The following PBX1 variants were observed in gnomAD, a reference collection of about 807,000 sequenced individuals.
PBX1 encodes pre-B-cell leukemia transcription factor 1.
PBX1 carries 6 observed loss-of-function variants against 53.4 expected under a neutral mutation model. That is an observed-to-expected ratio of 0.11 (90% confidence interval 0.06 to 0.22). The LOEUF is 0.22. PBX1 is among the 10% of genes least tolerant of loss of function. PBX1 has a pLI of 1.00. For synonymous variants in PBX1, 204 were observed against 212.3 expected (o/e 0.96, Z 0.34); for missense variants, 251 against 551.4 (o/e 0.46, Z 5.46).
At chr1:164,878,922 A>G (rs1351053211) in intron 2 of PBX1, among the ~76,000 whole-genome samples, 1 of 152,254 alleles carries the variant, frequency 6.6e-6, no homozygotes, top group Non-Finnish European at 1.5e-5. Context: ...CAGCCGGAGC[A>G]TAATCTGCCT....
At chr1:164,814,880 T>G (rs1279207152) in intron 6 of PBX1, 2 of 152,244 alleles carry the variant, frequency 1.3e-5, no homozygotes, top group Non-Finnish European at 2.9e-5. Flanking sequence ...ATATGTTCCA[T>G]GTCTCCTATC....
Position 164,849,118 on chromosome 1 carries a change from A to C in PBX1, c.*2442A>C, listed in dbSNP as rs528307386. 1.6e-4 allele frequency: 225 copies of C among 1,370,676 alleles called. No homozygotes were observed. The highest frequency in any genetic ancestry group is 1.9e-4 in the Non-Finnish European group (202 of 1,060,910). The allele number at this position is 1,370,676 out of a possible 1,614,324, so 84.9% of individuals were successfully genotyped here. The stretch of plus-strand genomic sequence containing the variant: ...AACATGGTTGAATCACATTTGCTTG[A>C]CTTAGGGCAAAGTACGAAAGAGAGA... On this transcript the variant is annotated 3_prime_UTR_variant, in exon 9 of 9. Coordinates refer to ENST00000420696, the MANE Select transcript of PBX1 (RefSeq NM_002585.4).
chr1:164,680,962 T>C (rs1355506684), intron 2 of PBX1, among the ~76,000 whole-genome samples: 4 of 152,200 alleles, frequency 2.6e-5, no homozygotes, highest in African/African-American at 9.7e-5. Context: ...CCTGGCATTT[T>C]TAATTTAAAA....
intron 2 of PBX1, among the ~76,000 whole-genome samples, chr1:164,869,758 G>A (rs1558053345): frequency 1.3e-5 from 2 of 152,238 alleles, no homozygotes; most frequent in Non-Finnish European, 2.9e-5. Flanking sequence ...GCTAGAGCAG[G>A]CAGTGGGGCA....
At chr1:164,748,615 G>T (rs1450755779) in intron 2 of PBX1, among the ~76,000 whole-genome samples, 1 of 152,078 alleles carries the variant, frequency 6.6e-6, no homozygotes. Context: ...AATTTCTATC[G>T]CAAGTTTCAA....
intron 2 of PBX1, among the ~76,000 whole-genome samples, chr1:164,665,097 A>G (rs1210391206): frequency 1.3e-5 from 2 of 152,228 alleles, no homozygotes; most frequent in African/African-American, 4.8e-5. Flanking sequence ...TAGTTTAGCT[A>G]CAATATTCCT....
intron 8 of PBX1, among the ~76,000 whole-genome samples, chr1:164,830,634 A>T (rs1421705833): frequency 6.6e-6 from 1 of 152,166 alleles, no homozygotes; most frequent in Non-Finnish European, 1.5e-5. Context: ...CTTCAAGCCC[A>T]AGCAGGACAT....
chr1:164,560,232 T>TTG (rs146379931), intron 1 of PBX1: 30,731 of 460,104 alleles, frequency 0.067, 950 homozygotes, highest in Middle Eastern at 0.11. Flanking sequence ...GTGTACATAT[T>TTG]TGTGTGTGTG....
intron 2 of PBX1, among the ~76,000 whole-genome samples, chr1:164,762,962 A>G (rs1290256942): frequency 6.6e-6 from 1 of 152,208 alleles, no homozygotes; most frequent in Non-Finnish European, 1.5e-5. Context: ...TGGTATAATA[A>G]TTTCCAGTGT....
rs560264343 is a variant in PBX1, at chr1:164,591,491, C to T, written c.265+28180C>T. Reference sequence around the variant, plus strand: ...TCTGTAACTATATTAGTAGCACAAACGGGTTCATGTGAATGTTTACCCTGC... The same window carrying T: ...TCTGTAACTATATTAGTAGCACAAATGGGTTCATGTGAATGTTTACCCTGC... On this transcript the variant is annotated intron_variant, in intron 2 of 8. Transcript: ENST00000420696. 3.3e-3 allele frequency among the ~76,000 whole-genome samples: 509 copies of T among 152,194 alleles called. 3 individuals carry two copies. Among genetic ancestry groups the T allele is most frequent in the Non-Finnish European group, 5.5e-3 (375 of 67,976 alleles).
At position 164,655,011 on chromosome 1, in the gene PBX1, A is replaced by G. The variant is rs183926816; in HGVS notation, c.265+91700A>G. On this transcript the variant is annotated intron_variant, in intron 2 of 8. Transcript: ENST00000420696. The stretch of plus-strand genomic sequence containing the variant: ...GGTCAAGGATGGCACGCTGGATTGG[A>G]TAACTCAGGGGAAGAACTGATTTTA... Among the ~76,000 whole-genome samples, 446 of 151,946 alleles carry G rather than the reference A, an allele frequency of 2.9e-3. 2 individuals are homozygous for G. Among genetic ancestry groups the G allele is most frequent in the Middle Eastern group, 7.0e-3 (2 of 286 alleles).
intron 2 of PBX1, among the ~76,000 whole-genome samples, chr1:164,715,587 A>T (rs1376554415): frequency 6.6e-6 from 1 of 152,182 alleles, no homozygotes; most frequent in Admixed American, 6.5e-5. Context: ...GTTGTTGTCT[A>T]GTGCTTAGAA....
chr1:164,838,256 A>G (rs761886278), intron 8 of PBX1, among the ~76,000 whole-genome samples: 5 of 152,198 alleles, frequency 3.3e-5, no homozygotes, highest in Admixed American at 2.6e-4. Context: ...CTTAGGTCTT[A>G]GACCAGAACT....
At chr1:164,700,588 A>G (rs532370098) in intron 2 of PBX1, 1 of 985,438 alleles carries the variant, frequency 1.0e-6, no homozygotes, top group Non-Finnish European at 1.2e-6. Flanking sequence ...GACAGTGATC[A>G]TCTTTATTAC....
At chr1:164,804,170 T>G (rs2102329422) in intron 4 of PBX1, among the ~76,000 whole-genome samples, 1 of 152,316 alleles carries the variant, frequency 6.6e-6, no homozygotes, top group East Asian at 1.9e-4. Flanking sequence ...TAAAGAACAA[T>G]TATTGAAGCC....
Position 164,607,860 on chromosome 1 carries a change from A to C in PBX1, c.265+44549A>C, listed in dbSNP as rs148779257. ...GTTTGAGAACTATAGGTTCATCCGC[A>C]TCATTAGATGCCACAGCCTTCCTCT... On this transcript the variant is annotated intron_variant, in intron 2 of 8. Transcript: ENST00000420696. Among the ~76,000 whole-genome samples the C allele has an allele frequency of 3.3e-5, 5 of 152,346 alleles. No individual in the cohort carries two copies. In the East Asian group the frequency reaches 7.7e-4, roughly 24 times the overall value.
chr1:164,811,854 C>A, intron 5 of PBX1, 136 bp from the exon 6 acceptor site: 2 of 446,682 alleles, frequency 4.5e-6, no homozygotes, highest in East Asian at 3.5e-5. Context: ...GATCTTTTTA[C>A]TGATGTTGCC....
chr1:164,752,675 G>A (rs1350073270), intron 2 of PBX1, among the ~76,000 whole-genome samples: 1 of 152,094 alleles, frequency 6.6e-6, no homozygotes, highest in Non-Finnish European at 1.5e-5. Context: ...TGCCAATAAA[G>A]TAGATGGGAA....
At chr1:164,883,054 G>T (rs1172221260) in intron 2 of PBX1, among the ~76,000 whole-genome samples, 3 of 152,144 alleles carry the variant, frequency 2.0e-5, no homozygotes, top group African/African-American at 7.2e-5. Flanking sequence ...GAAATAATTG[G>T]TTTAAAAATC....
Sources: allele counts gnomAD v4.1 joint callset (sites outside exome capture counted in the v4.1 genomes callset), GRCh38; gene constraint gnomAD v4.1.1; transcripts MANE v1.5; gene names NCBI Gene and HGNC (gene_info 2026-07-23, HGNC 2026-07-21).